SLC8A3: variants seen among roughly 807,000 people sequenced by gnomAD.
SLC8A3 encodes solute carrier family 8 member A3, also known as sodium/calcium exchanger 3.
SLC8A3 carries 37 observed loss-of-function variants against 65.4 expected under a neutral mutation model. That is an observed-to-expected ratio of 0.57 (90% CI 0.44 to 0.74). SLC8A3 has a LOEUF of 0.74. SLC8A3 is among the 30% of genes least tolerant of loss of function. The probability of loss-of-function intolerance (pLI) is 0.00; values close to 1 mark genes in which losing one functional copy is unlikely to be tolerated. For missense variants in SLC8A3, 1,112 were observed against 1,172.1 expected, an observed-to-expected ratio of 0.95 and a Z score of 0.75; for synonymous variants, 461 against 444.5, an observed-to-expected ratio of 1.04 and a Z score of -0.47.
intron 2 of SLC8A3, among the ~76,000 whole-genome samples, chr14:70,156,173 C>G (rs978146111): frequency 7.2e-5 from 11 of 152,312 alleles, no homozygotes; most frequent in Admixed American, 5.2e-4. Context: ...CTGGAAGATT[C>G]TAGTCTGATA....
At chr14:70,157,497 A>T (rs1401750193) in intron 2 of SLC8A3, among the ~76,000 whole-genome samples, 1 of 152,236 alleles carries the variant, frequency 6.6e-6, no homozygotes. Flanking sequence ...TTGAAAATTT[A>T]AACTAGAAGA....
At chr14:70,119,361 G>T (rs534816341) in intron 2 of SLC8A3, among the ~76,000 whole-genome samples, 2 of 152,290 alleles carry the variant, frequency 1.3e-5, no homozygotes, top group South Asian at 4.1e-4. Flanking sequence ...TGGACACTGT[G>T]AGGCTTCCAT....
chr14:70,116,858 C>T (rs1416130917), intron 2 of SLC8A3, among the ~76,000 whole-genome samples: 6 of 152,206 alleles, frequency 3.9e-5, no homozygotes. Flanking sequence ...AGCAATGGTA[C>T]TGCTATATCA....
rs767216411 is a variant in SLC8A3 at position 70,049,155 on chromosome 14, C to A, written c.2114-113G>T. 9.2e-5 allele frequency: 100 copies of A among 1,088,928 alleles called. 1 individual carries two copies. The highest frequency in any genetic ancestry group is 1.2e-4 in the Non-Finnish European group (95 of 763,980). 67.5% of individuals were successfully genotyped at this position (1,088,928 alleles called of 1,614,324 possible). A position where few individuals can be genotyped will look rare whatever the true frequency, so the allele number is the denominator to read the frequency against. Reference sequence around the variant, plus strand: ...ATCATCCGCTAGAAGGGGACTCCAGCTGTCTTCTGGGCAGCTGGTGGGGGC... The same window carrying A: ...ATCATCCGCTAGAAGGGGACTCCAGATGTCTTCTGGGCAGCTGGTGGGGGC... On this transcript the variant is annotated intron_variant, in intron 5 of 6. Coordinates refer to ENST00000356921, the MANE Select transcript of SLC8A3 (RefSeq NM_182932.3).
chr14:70,118,989 G>T (rs887968335), intron 2 of SLC8A3, among the ~76,000 whole-genome samples: 4 of 152,150 alleles, frequency 2.6e-5, no homozygotes, highest in Non-Finnish European at 5.9e-5. Context: ...GAGAAGTAAT[G>T]CTGGGGAATT....
In SLC8A3 at chr14:70,044,838, G is replaced by T. The variant is rs146297923; in HGVS notation, c.*1109C>A. 1 of 152,180 alleles carries T rather than the reference G, an allele frequency of 6.6e-6. No homozygotes were observed. The highest frequency in any genetic ancestry group is 1.5e-5 in the Non-Finnish European group (1 of 68,032). 9.4% of individuals were successfully genotyped at this position (152,180 alleles called of 1,614,324 possible). ...GTATAGAGCATTAGGAAGCAAGAGC[G>T]TGGTGAAGCTGACATTTCTCAGGCA... On this transcript the variant is annotated 3_prime_UTR_variant, in exon 7 of 7. Transcript: ENST00000356921.
intron 2 of SLC8A3, among the ~76,000 whole-genome samples, chr14:70,103,275 G>A (rs1255002697): frequency 2.6e-5 from 4 of 152,030 alleles, no homozygotes; most frequent in African/African-American, 9.7e-5. Context: ...TAGAAGTTCT[G>A]CACTGAAATG....
intron 2 of SLC8A3, among the ~76,000 whole-genome samples, chr14:70,078,009 T>C (rs1890692378): frequency 6.6e-6 from 1 of 152,228 alleles, no homozygotes; most frequent in Admixed American, 6.5e-5. Flanking sequence ...CCTAGAGTTA[T>C]AGAGAGGTGA....
chr14:70,068,657 T>G (rs972672676), intron 2 of SLC8A3, among the ~76,000 whole-genome samples: 1 of 152,216 alleles, frequency 6.6e-6, no homozygotes. Context: ...GTGCTGGGAT[T>G]ACAGGCATAA....
At position 70,135,119 on chromosome 14, in the gene SLC8A3, G is replaced by A. The variant is rs559691035; in HGVS notation, c.1784+31520C>T. Among the ~76,000 whole-genome samples, 24 of 152,186 alleles carry A rather than the reference G, an allele frequency of 1.6e-4. No homozygotes were observed. In the Middle Eastern group the frequency reaches 0.017, roughly 108 times the overall value. On this transcript the variant is annotated intron_variant, in intron 2 of 6. Transcript: ENST00000356921. ...TTTCTCAAAAGAAGACATATAAATG[G>A]CCAACAGGTATATAAAAAAATGCTC...
chr14:70,127,778 G>T (rs1894566969), intron 2 of SLC8A3, among the ~76,000 whole-genome samples: 1 of 152,184 alleles, frequency 6.6e-6, no homozygotes, highest in South Asian at 2.1e-4. Flanking sequence ...CTCACTGATG[G>T]TTTGTGCCCA....
At chr14:70,187,257 G>A (rs1883325318) in intron 1 of SLC8A3, 2 of 148,352 alleles carry the variant, frequency 1.3e-5, no homozygotes. Flanking sequence ...CGCCAGGAAA[G>A]GGGGAGAGAG....
chr14:70,134,238 G>A (rs1895043869), intron 2 of SLC8A3, among the ~76,000 whole-genome samples: 1 of 152,202 alleles, frequency 6.6e-6, no homozygotes, highest in South Asian at 2.1e-4. Flanking sequence ...TTTGGGAAAG[G>A]TGCTCACTAT....
chr14:70,161,268 G>A (rs1343959051), intron 2 of SLC8A3, among the ~76,000 whole-genome samples: 56 of 106,602 alleles, frequency 5.3e-4, no homozygotes, highest in Non-Finnish European at 7.9e-4. Flanking sequence ...CAGCCTGGGC[G>A]ACAGAGCGAG....
intron 2 of SLC8A3, among the ~76,000 whole-genome samples, chr14:70,147,163 G>A (rs972085591): frequency 6.6e-6 from 1 of 152,294 alleles, no homozygotes; most frequent in Middle Eastern, 3.4e-3. Flanking sequence ...GGTATTTGAA[G>A]TGACAGAGAC....
intron 3 of SLC8A3, among the ~76,000 whole-genome samples, chr14:70,052,659 T>C (rs1404051250): frequency 6.6e-6 from 1 of 152,220 alleles, no homozygotes; most frequent in Non-Finnish European, 1.5e-5. Flanking sequence ...AGAGCACTTC[T>C]CCATGAAGAC....
At chr14:70,106,292 A>T (rs554529561) in intron 2 of SLC8A3, among the ~76,000 whole-genome samples, 4 of 152,118 alleles carry the variant, frequency 2.6e-5, no homozygotes, top group Non-Finnish European at 5.9e-5. Context: ...AATAAAATTT[A>T]TTTTGCAACC....
chr14:70,153,789 C>T (rs998116999), intron 2 of SLC8A3, among the ~76,000 whole-genome samples: 4 of 152,240 alleles, frequency 2.6e-5, no homozygotes, highest in African/African-American at 9.6e-5. Context: ...CTGAGCCCCT[C>T]CTGCTCTCAT....
rs1308279880 is a variant in SLC8A3, at chr14:70,159,419, AAAAAAC to A, written c.1784+7214_1784+7219del. ...CAGAGCAAGACTCTGTCAAAAAAAA[AAAAAAC>A]AAAAAAAACCCAAACACAAAACACT... is the stretch of plus-strand genomic sequence containing the variant. On this transcript the variant is annotated intron_variant, in intron 2 of 6. Transcript: ENST00000356921. Among the ~76,000 whole-genome samples, 760 of 151,794 alleles carry A rather than the reference AAAAAAC, an allele frequency of 5.0e-3. 9 individuals are homozygous for A. Among genetic ancestry groups the A allele is most frequent in the African/African-American group, 0.018 (729 of 41,378 alleles).
Sources: gnomAD v4.1 joint callset for allele counts (sites outside exome capture counted in the v4.1 genomes callset) on GRCh38, gnomAD v4.1.1 for gene constraint, MANE v1.5 for transcripts, NCBI Gene and HGNC (gene_info 2026-07-23, HGNC 2026-07-21) for gene names.